The following BICC1 variants were observed in gnomAD, a reference collection of about 807,000 sequenced individuals.
The protein encoded by BICC1 is BicC family RNA binding protein 1, also known as protein bicaudal C homolog 1.
In BICC1, 43 loss-of-function variants were observed where a neutral mutation model predicts 111.0. The observed-to-expected ratio is 0.39, with a 90% CI of 0.30 to 0.50. The LOEUF (loss-of-function observed/expected upper bound fraction) is 0.50. Among genes scored for constraint, BICC1 ranks in the 20% least tolerant of loss-of-function variants. BICC1 has a pLI of 0.88. For missense variants in BICC1, 1,091 were observed against 1,203.2 expected (o/e 0.91, Z 1.38); for synonymous variants, 467 against 434.4 (o/e 1.07, Z -0.93).
intron 12 of BICC1, 31 bp from the exon 13 acceptor site, chr10:58,800,163 A>G (rs1363169100): frequency 1.3e-6 from 2 of 1,517,606 alleles, no homozygotes; most frequent in Non-Finnish European, 1.8e-6. Flanking sequence ...TTGTGACCAT[A>G]TTTATACATT....
chr10:58,698,127 T>C (rs1191204831), intron 2 of BICC1, among the ~76,000 whole-genome samples: 1 of 152,198 alleles, frequency 6.6e-6, no homozygotes, highest in East Asian at 1.9e-4. Context: ...TTCCTATGTG[T>C]AATCACTGCA....
chr10:58,525,568 G>T (rs1241314043), intron 1 of BICC1, among the ~76,000 whole-genome samples: 6 of 119,104 alleles, frequency 5.0e-5, no homozygotes, highest in East Asian at 6.2e-4. Context: ...GTTGTGGGGT[G>T]GGGGGAGGGG....
chr10:58,569,251 C>T (rs1288221406), intron 1 of BICC1, among the ~76,000 whole-genome samples: 4 of 152,086 alleles, frequency 2.6e-5, no homozygotes, highest in East Asian at 1.9e-4. Context: ...ACTCAATGTT[C>T]GTCTACAGTT....
intron 3 of BICC1, among the ~76,000 whole-genome samples, chr10:58,720,097 C>T (rs1243737927): frequency 1.3e-5 from 2 of 152,124 alleles, no homozygotes; most frequent in African/African-American, 4.8e-5. Flanking sequence ...TTAAATTTGC[C>T]AAGATAATCA....
At chr10:58,740,316 G>T (rs1841617270) in intron 3 of BICC1, among the ~76,000 whole-genome samples, 1 of 152,172 alleles carries the variant, frequency 6.6e-6, no homozygotes, top group South Asian at 2.1e-4. Context: ...ATAAAGAAAA[G>T]ACGATTATAA....
intron 3 of BICC1, among the ~76,000 whole-genome samples, chr10:58,753,571 C>T (rs1162235819): frequency 6.6e-6 from 1 of 152,132 alleles, no homozygotes; most frequent in Non-Finnish European, 1.5e-5. Context: ...GTTTTCCCAG[C>T]ATCAGTTTCT....
At chr10:58,634,256 T>C (rs1837887225) in intron 2 of BICC1, among the ~76,000 whole-genome samples, 2 of 152,048 alleles carry the variant, frequency 1.3e-5, no homozygotes, top group African/African-American at 4.8e-5. Flanking sequence ...CCTGCCAAAG[T>C]GCTGGGATTA....
chr10:58,743,691 C>A (rs1275181239), intron 3 of BICC1, among the ~76,000 whole-genome samples: 2 of 151,926 alleles, frequency 1.3e-5, no homozygotes, highest in Non-Finnish European at 2.9e-5. Flanking sequence ...GCAGCAGAAT[C>A]CCCCAGGTTG....
At chr10:58,814,070 C>T (rs1278936196) in intron 18 of BICC1, 84 bp downstream of exon 18, 24 of 1,470,802 alleles carry the variant, frequency 1.6e-5, no homozygotes, top group Non-Finnish European at 2.2e-5. Context: ...TGACTGTGGC[C>T]TCTCTGACTT....
At chr10:58,789,486 T>C in intron 7 of BICC1, 30 bp downstream of exon 7, 2 of 1,572,998 alleles carry the variant, frequency 1.3e-6, no homozygotes, top group South Asian at 1.1e-5. Flanking sequence ...CTGCACATCC[T>C]ATATGTACAA....
intron 1 of BICC1, among the ~76,000 whole-genome samples, chr10:58,594,872 A>C (rs1193633275): frequency 6.6e-6 from 1 of 152,198 alleles, no homozygotes; most frequent in Non-Finnish European, 1.5e-5. Context: ...TTCACACATA[A>C]CAATATTAAC....
intron 1 of BICC1, among the ~76,000 whole-genome samples, chr10:58,612,429 A>G (rs1198171584): frequency 6.6e-6 from 1 of 152,214 alleles, no homozygotes; most frequent in Non-Finnish European, 1.5e-5. Flanking sequence ...AGAATAAAAT[A>G]TATGGCATAG....
chr10:58,524,566 T>C (rs1157115456), intron 1 of BICC1, among the ~76,000 whole-genome samples: 1 of 152,226 alleles, frequency 6.6e-6, no homozygotes, highest in Non-Finnish European at 1.5e-5. Context: ...TAATTCAAGA[T>C]TGATTAAAGA....
chr10:58,807,270 A>G, intron 17 of BICC1, 112 bp downstream of exon 17: 1 of 991,922 alleles, frequency 1.0e-6, no homozygotes, highest in Non-Finnish European at 1.5e-6. Context: ...ATTAGTGGTG[A>G]CTTGTTTTTA....
In BICC1 at chr10:58,523,356, C is replaced by T. The variant is rs541326513; in HGVS notation, c.190+10023C>T. ...AGCACATCAAAAAGCTTATCCACCA[C>T]GATCAAGTTGGCTTCATCCCTGGGA... On this transcript the variant is annotated intron_variant, in intron 1 of 20. Transcript: ENST00000373886. Among the ~76,000 whole-genome samples, 67 of 152,208 alleles carry T rather than the reference C, an allele frequency of 4.4e-4. 1 individual carries two copies. The South Asian group carries it at 0.011, about 25-fold the overall frequency.
chr10:58,584,578 G>T (rs1844378313), intron 1 of BICC1, among the ~76,000 whole-genome samples: 2 of 152,188 alleles, frequency 1.3e-5, no homozygotes, highest in South Asian at 2.1e-4. Flanking sequence ...GATTGTCAGA[G>T]AATTTTCCTT....
intron 1 of BICC1, among the ~76,000 whole-genome samples, chr10:58,540,335 G>C (rs1362256449): frequency 6.6e-6 from 1 of 151,580 alleles, no homozygotes; most frequent in Non-Finnish European, 1.5e-5. Flanking sequence ...CTAAGAGTTG[G>C]TTTCTTAAAA....
intron 1 of BICC1, among the ~76,000 whole-genome samples, chr10:58,570,496 C>G (rs1843914408): frequency 6.6e-6 from 1 of 152,130 alleles, no homozygotes; most frequent in Non-Finnish European, 1.5e-5. Context: ...GCCAAGATGA[C>G]TGGATTCTGG....
At chr10:58,627,803 G>A (rs1374093746) in intron 2 of BICC1, among the ~76,000 whole-genome samples, 1 of 152,090 alleles carries the variant, frequency 6.6e-6, no homozygotes, top group Non-Finnish European at 1.5e-5. Context: ...CATTATCAGA[G>A]ATGTGTCTGA....
Sources: gnomAD v4.1 joint callset for allele counts (sites outside exome capture counted in the v4.1 genomes callset) on GRCh38, gnomAD v4.1.1 for gene constraint, MANE v1.5 for transcripts, NCBI Gene and HGNC (gene_info 2026-07-23, HGNC 2026-07-21) for gene names.